Variants in MED12L observed in about 807,000 individuals in gnomAD.
The protein encoded by MED12L is mediator of RNA polymerase II transcription subunit 12-like protein.
Under a neutral mutation model 281.3 loss-of-function variants are expected in MED12L, and 60 were observed. The ratio of observed to expected loss-of-function variants is 0.21; its 90% CI spans 0.17 to 0.26. The LOEUF is 0.26. Among genes scored for constraint, MED12L ranks in the 10% least tolerant of loss-of-function variants. The pLI is 1.00. For missense variants in MED12L, 2,146 were observed against 2,680.9 expected (o/e 0.80, Z 4.41); for synonymous variants, 974 against 987.2 (o/e 0.99, Z 0.25).
intron 16 of MED12L, among the ~76,000 whole-genome samples, chr3:151,313,187 A>ACTGC (rs1199723455): frequency 8.5e-5 from 13 of 152,104 alleles, no homozygotes; most frequent in Admixed American, 5.2e-4. Flanking sequence ...CCGCTCTGCT[A>ACTGC]CTGCCTGCAC....
intron 16 of MED12L, chr3:151,329,101 A>G: frequency 1.1e-6 from 1 of 870,848 alleles, no homozygotes; most frequent in Non-Finnish European, 1.8e-6. Flanking sequence ...TTATGTTTAT[A>G]GCATATTAAC....
intron 25 of MED12L, among the ~76,000 whole-genome samples, chr3:151,369,144 A>C (rs1477654761): frequency 6.6e-6 from 1 of 152,232 alleles, no homozygotes; most frequent in African/African-American, 2.4e-5. Flanking sequence ...GATCATTTCC[A>C]TATAGATAGG....
intron 20 of MED12L, among the ~76,000 whole-genome samples, chr3:151,359,963 G>A (rs1013006607): frequency 8.5e-5 from 13 of 152,114 alleles, no homozygotes; most frequent in Non-Finnish European, 1.8e-4. Context: ...TTTATTACTA[G>A]TTGGTATACA....
At position 151,337,822 on chromosome 3, in the gene MED12L, T is replaced by C. The variant is rs757399384; in HGVS notation, c.2251-12237T>C. Reference sequence around the variant, plus strand: ...TATTTCCTTAGTTAATTTGTTTACATTGGAGTCTCTTCATTTGGGTCACCA... The same window carrying C: ...TATTTCCTTAGTTAATTTGTTTACACTGGAGTCTCTTCATTTGGGTCACCA... On this transcript the variant is annotated intron_variant, in intron 16 of 44. Transcript: ENST00000687756. 7 of 1,613,808 alleles carry C rather than the reference T, an allele frequency of 4.3e-6. No individual in the cohort carries two copies. In the Admixed American group the frequency reaches 1.2e-4, roughly 27 times the overall value.
intron 30 of MED12L, 58 bp from the exon 31 acceptor site, chr3:151,377,954 A>T: frequency 6.8e-7 from 1 of 1,472,502 alleles, no homozygotes; most frequent in Non-Finnish European, 9.1e-7. Context: ...TTCTGTTATA[A>T]CTGTGAGAGC....
At chr3:151,142,707 C>T (rs1008412298) in intron 5 of MED12L, among the ~76,000 whole-genome samples, 2 of 151,998 alleles carry the variant, frequency 1.3e-5, no homozygotes, top group African/African-American at 4.8e-5. Context: ...ATACAGTGGC[C>T]TTGTTTTTTA....
At chr3:151,282,600 A>C (rs1407380471) in intron 16 of MED12L, among the ~76,000 whole-genome samples, 1 of 152,182 alleles carries the variant, frequency 6.6e-6, no homozygotes, top group Non-Finnish European at 1.5e-5. Flanking sequence ...CTCTGAAGGA[A>C]CTAGCATCCA....
chr3:151,140,784 A>T (rs1299036601), intron 5 of MED12L, among the ~76,000 whole-genome samples: 1 of 152,030 alleles, frequency 6.6e-6, no homozygotes, highest in East Asian at 1.9e-4. Flanking sequence ...GGTTCAAGTC[A>T]TTCTCCTGCC....
intron 16 of MED12L, among the ~76,000 whole-genome samples, chr3:151,269,169 G>T (rs1740391779): frequency 6.6e-6 from 1 of 152,190 alleles, no homozygotes; most frequent in African/African-American, 2.4e-5. Flanking sequence ...GGGAGGCCAA[G>T]GTGGGTGGAT....
intron 22 of MED12L, 139 bp from the exon 23 acceptor site, chr3:151,365,711 G>C: frequency 1.3e-6 from 1 of 746,812 alleles, no homozygotes; most frequent in Non-Finnish European, 2.1e-6. Context: ...TAAGTTATTT[G>C]ACAAATGAGT....
chr3:151,262,828 C>G (rs1739150016), intron 16 of MED12L, among the ~76,000 whole-genome samples: 1 of 152,048 alleles, frequency 6.6e-6, no homozygotes, highest in South Asian at 2.1e-4. Context: ...CTCATTAAAA[C>G]CTGATAGCTT....
intron 16 of MED12L, chr3:151,197,945 ATAGAT>A (rs1339867418): frequency 1.3e-5 from 2 of 152,758 alleles, no homozygotes; most frequent in African/African-American, 4.8e-5. Flanking sequence ...TTTTGAAGTG[ATAGAT>A]TAGAAATAAA....
intron 43 of MED12L, among the ~76,000 whole-genome samples, chr3:151,419,012 G>A (rs938014683): frequency 1.3e-5 from 2 of 152,176 alleles, no homozygotes; most frequent in Non-Finnish European, 2.9e-5. Context: ...GTGTTATTTC[G>A]TGTTGTTTGT....
intron 16 of MED12L, chr3:151,316,730 C>T (rs190727044): frequency 2.0e-5 from 3 of 152,206 alleles, no homozygotes; most frequent in African/African-American, 7.2e-5. Context: ...AACGAAACAT[C>T]TCCCCTACCA....
intron 16 of MED12L, chr3:151,329,066 A>C: frequency 5.4e-6 from 7 of 1,296,844 alleles, no homozygotes; most frequent in South Asian, 1.5e-5. Flanking sequence ...CATGATTTTC[A>C]AATGCTATTT....
intron 16 of MED12L, among the ~76,000 whole-genome samples, chr3:151,229,408 G>T (rs1577042162): frequency 6.7e-6 from 1 of 148,770 alleles, no homozygotes; most frequent in East Asian, 2.0e-4. Context: ...CCGGGTTCAA[G>T]CGATTCTCCT....
At chr3:151,335,998 A>G (rs1357069009) in intron 16 of MED12L, among the ~76,000 whole-genome samples, 1 of 152,162 alleles carries the variant, frequency 6.6e-6, no homozygotes. Context: ...TAGTCTCCGA[A>G]CATCTGACCT....
intron 16 of MED12L, chr3:151,213,387 C>T (rs1413594368): frequency 2.5e-6 from 4 of 1,613,824 alleles, no homozygotes; most frequent in Non-Finnish European, 3.4e-6. Context: ...ATGGAATGTG[C>T]AATTTCTTAC....
intron 16 of MED12L, among the ~76,000 whole-genome samples, chr3:151,306,153 T>C (rs1168476848): frequency 6.6e-6 from 1 of 152,226 alleles, no homozygotes; most frequent in Non-Finnish European, 1.5e-5. Flanking sequence ...ATTGTTCTAC[T>C]TTGATTATAA....
Sources: gnomAD v4.1 joint callset for allele counts (sites outside exome capture counted in the v4.1 genomes callset) on GRCh38, gnomAD v4.1.1 for gene constraint, MANE v1.5 for transcripts, NCBI Gene and HGNC (gene_info 2026-07-23, HGNC 2026-07-21) for gene names.